The following HHIP variants were observed in gnomAD, a reference collection of about 807,000 sequenced individuals.
The protein encoded by HHIP is hedgehog interacting protein, also known as hedgehog-interacting protein.
A neutral mutation model predicts 74.0 loss-of-function variants in HHIP; 12 were observed. The ratio of observed to expected loss-of-function variants is 0.16; its 90% confidence interval spans 0.10 to 0.26. The LOEUF is 0.26. Among genes scored for constraint, HHIP ranks in the 10% least tolerant of loss-of-function variants. The pLI is 1.00. For missense variants in HHIP, 788 were observed against 845.0 expected, an observed-to-expected ratio of 0.93 and a Z score of 0.84; for synonymous variants, 309 against 311.6, an observed-to-expected ratio of 0.99 and a Z score of 0.09.
In HHIP at chr4:144,708,114, G is replaced by A. The variant is rs915821386; in HGVS notation, c.1158-54G>A. 3.8e-6 allele frequency: 6 copies of A among 1,570,228 alleles called. No homozygotes were observed. In the Admixed American group the frequency reaches 6.7e-5, roughly 18 times the overall value. On this transcript the variant is annotated intron_variant, in intron 6 of 12. Coordinates refer to ENST00000296575, the MANE Select transcript of HHIP (RefSeq NM_022475.3). ...GAGCAACCTCACCATATTTAATATA[G>A]GTGAAATATATAATGAAAATGTAAA...
At chr4:144,664,001 C>T (rs1728787544) in intron 4 of HHIP, among the ~76,000 whole-genome samples, 2 of 152,194 alleles carry the variant, frequency 1.3e-5, no homozygotes, top group Admixed American at 6.5e-5. Flanking sequence ...AGGAAACTAG[C>T]AAACACCATT....
In HHIP at chr4:144,742,882, A is replaced by C. The variant is rs1351204755; in HGVS notation, c.*4925A>C. The C allele has an allele frequency of 1.9e-4, 2 of 10,602 alleles. No individual in the cohort carries two copies. Among genetic ancestry groups the C allele is most frequent in the Non-Finnish European group, 7.8e-4 (2 of 2,564 alleles). The allele number at this position is 10,602 out of a possible 1,614,324, so 0.7% of individuals were successfully genotyped here. On this transcript the variant is annotated 3_prime_UTR_variant, in exon 13 of 13. Coordinates refer to ENST00000296575, the MANE Select transcript of HHIP (RefSeq NM_022475.3). ...ATCTTATATATATATCTTTTTATAT[A>C]TATCTTATATATATATCTTTTTATA...
intron 5 of HHIP, among the ~76,000 whole-genome samples, 176 bp from the exon 6 acceptor site, chr4:144,706,911 A>G (rs1484778417): frequency 6.6e-6 from 1 of 152,256 alleles, no homozygotes; most frequent in African/African-American, 2.4e-5. Flanking sequence ...GCTACCTCTG[A>G]AACTTGGAAA....
At chr4:144,710,104 C>G (rs180728808) in intron 7 of HHIP, among the ~76,000 whole-genome samples, 75 of 152,286 alleles carry the variant, frequency 4.9e-4, no homozygotes, top group Admixed American at 2.6e-3. Context: ...AAGGGTCAAG[C>G]AGTTCTTAGT....
intron 4 of HHIP, among the ~76,000 whole-genome samples, chr4:144,691,649 AT>A (rs920169358): frequency 2.5e-4 from 38 of 152,196 alleles, no homozygotes; most frequent in African/African-American, 8.4e-4. Flanking sequence ...TATGTATAGG[AT>A]TTTTTTACAT....
intron 3 of HHIP, 51 bp from the exon 4 acceptor site, chr4:144,659,586 T>C (rs1418300486): frequency 7.2e-6 from 9 of 1,256,598 alleles, no homozygotes; most frequent in Non-Finnish European, 9.6e-6. Context: ...AGTGCATCCC[T>C]TATCTCCTTC....
intron 2 of HHIP, among the ~76,000 whole-genome samples, chr4:144,656,638 A>G (rs1728564763): frequency 6.6e-6 from 1 of 152,116 alleles, no homozygotes; most frequent in African/African-American, 2.4e-5. Context: ...ATCACCTTAA[A>G]ACTATATTTC....
chr4:144,648,851 A>G (rs1031419041), intron 1 of HHIP: 3 of 152,200 alleles, frequency 2.0e-5, no homozygotes, highest in African/African-American at 7.2e-5. Context: ...TTCTTTAGGA[A>G]GCAATCTGCC....
At chr4:144,679,451 C>T (rs1172011575) in intron 4 of HHIP, among the ~76,000 whole-genome samples, 1 of 152,166 alleles carries the variant, frequency 6.6e-6, no homozygotes, top group Non-Finnish European at 1.5e-5. Context: ...GAAGTCTTTG[C>T]CCATGCCTAT....
chr4:144,653,996 G>A (rs1014910978), intron 2 of HHIP, among the ~76,000 whole-genome samples: 1 of 152,174 alleles, frequency 6.6e-6, no homozygotes, highest in African/African-American at 2.4e-5. Context: ...CTACAAAGAA[G>A]TGATAACAGA....
At chr4:144,734,618 A>T (rs192912725) in intron 11 of HHIP, 123 bp from the exon 12 acceptor site, 11 of 230,602 alleles carry the variant, frequency 4.8e-5, no homozygotes, top group East Asian at 1.5e-4. Flanking sequence ...TGAGTCACTT[A>T]AAAAAAAAAA....
chr4:144,705,518 G>A (rs759245835), intron 4 of HHIP, among the ~76,000 whole-genome samples: 17 of 152,082 alleles, frequency 1.1e-4, no homozygotes, highest in Non-Finnish European at 2.2e-4. Flanking sequence ...GTTTTTCTCC[G>A]AGAAAGTGCT....
intron 4 of HHIP, among the ~76,000 whole-genome samples, chr4:144,665,377 G>A (rs189727301): frequency 4.6e-5 from 7 of 152,082 alleles, no homozygotes; most frequent in African/African-American, 1.7e-4. Context: ...TAAAGTTTTC[G>A]ACTGCAGTTA....
rs201647350 is a variant in HHIP at position 144,652,733 on chromosome 4, A to C, written c.408A>C (p.Val136=). The change falls in exon 2 of 13, where the codon GTA becomes GTC. Residue 136 remains valine, a synonymous_variant. Coordinates refer to ENST00000296575, the MANE Select transcript of HHIP (RefSeq NM_022475.3). ...PEREVLERDL[V]LPLLCKDYCK... is the part of the protein sequence containing the mutation. ...GAGAAGTCTTGGAAAGAGACCTAGT[A>C]CTTCCTCTGCTCTGCAAAGACTATT... 35 of 1,612,962 alleles carry C rather than the reference A, an allele frequency of 2.2e-5. No individual in the cohort carries two copies. In the South Asian group the frequency reaches 3.1e-4, roughly 14 times the overall value.
In HHIP at chr4:144,718,775, T is replaced by C; in HGVS notation, c.1679-100T>C. On this transcript the variant is annotated intron_variant, in intron 10 of 12. Transcript: ENST00000296575. ...TTTAGGCAAGTGATTTTCTTGTGGA[T>C]AGATGGAGATAGATTGACATATAGA... 4.0e-6 allele frequency: 3 copies of C among 745,822 alleles called. No individual in the cohort carries two copies. The South Asian group carries it at 4.6e-5, about 11-fold the overall frequency. 46.2% of individuals were successfully genotyped at this position (745,822 alleles called of 1,614,324 possible). A position where few individuals can be genotyped will look rare whatever the true frequency, so the allele number is the denominator to read the frequency against.
chr4:144,689,867 G>A (rs1182460063), intron 4 of HHIP, among the ~76,000 whole-genome samples: 2 of 152,076 alleles, frequency 1.3e-5, no homozygotes, highest in African/African-American at 4.8e-5. Flanking sequence ...GGAATGCAAT[G>A]GTGTGATCTC....
Position 144,658,883 on chromosome 4 carries a change from G to A in HHIP, c.566G>A (p.Arg189Lys), listed in dbSNP as rs1457878273. The A allele has an allele frequency of 1.2e-6, 2 of 1,613,634 alleles. No homozygotes were observed. Among genetic ancestry groups the A allele is most frequent in the African/African-American group, 1.3e-5 (1 of 74,896 alleles). The change falls in exon 3 of 13, where the codon AGA (arginine) becomes AAA (lysine). Residue 189 changes from arginine to lysine, a missense_variant. Around this residue, in one of 3 missense-constraint regions of HHIP, gnomAD observed 373 missense variants for 366.4 expected, o/e 1.02. Coordinates refer to ENST00000296575, the MANE Select transcript of HHIP (RefSeq NM_022475.3). ...CCAGATTTTCCAAGAAAACAAGTCA[G>A]AGGACCAGCATCTAACTACTTGGAC... ...CFPDFPRKQV[R>K]GPASNYLDQM... is the part of the protein sequence containing the mutation.
intron 4 of HHIP, among the ~76,000 whole-genome samples, chr4:144,702,247 T>A (rs1006861168): frequency 6.6e-6 from 1 of 152,250 alleles, no homozygotes; most frequent in African/African-American, 2.4e-5. Context: ...AGAAGAGGAA[T>A]ATTCTTAATT....
intron 4 of HHIP, among the ~76,000 whole-genome samples, chr4:144,695,194 G>T (rs1038154431): frequency 1.3e-5 from 2 of 151,698 alleles, no homozygotes; most frequent in Admixed American, 6.6e-5. Flanking sequence ...ATGGCCCTAA[G>T]AGTGAAATCC....
Sources: allele counts gnomAD v4.1 joint callset (sites outside exome capture counted in the v4.1 genomes callset), GRCh38; gene constraint gnomAD v4.1.1; regional missense constraint gnomAD v4.1.1; transcripts MANE v1.5; gene names NCBI Gene and HGNC (gene_info 2026-07-23, HGNC 2026-07-21).